The following IL34 variants were observed in gnomAD, a reference collection of about 807,000 sequenced individuals.
IL34 encodes interleukin-34.
A neutral mutation model predicts 25.3 loss-of-function variants in IL34; 17 were observed. That is an observed-to-expected ratio of 0.67 (90% CI 0.46 to 1.01). The LOEUF is 1.01. Among genes scored for constraint, IL34 ranks in the 50% least tolerant of loss-of-function variants. The pLI is 0.00. For missense variants in IL34, 368 were observed against 312.9 expected (o/e 1.18, Z -1.33); for synonymous variants, 174 against 140.9 (o/e 1.23, Z -1.66).
At chr16:70,625,855 G>C (rs1376059607) in intron 1 of IL34, among the ~76,000 whole-genome samples, 1 of 152,242 alleles carries the variant, frequency 6.6e-6, no homozygotes, top group African/African-American at 2.4e-5. Context: ...AGAGTAAAAA[G>C]TGGCCACTTA....
chr16:70,629,092 T>C (rs1244534430), intron 1 of IL34, among the ~76,000 whole-genome samples: 1 of 152,234 alleles, frequency 6.6e-6, no homozygotes, highest in African/African-American at 2.4e-5. Flanking sequence ...CTATTGTTTA[T>C]AGTAGTTTGT....
At position 70,648,879 on chromosome 16, in the gene IL34, C is replaced by G. The variant is rs936520285; in HGVS notation, c.28+1904C>G. 2.0e-5 allele frequency among the ~76,000 whole-genome samples: 3 copies of G among 152,274 alleles called. No individual in the cohort carries two copies. In the East Asian group the frequency reaches 5.8e-4, roughly 29 times the overall value. The stretch of plus-strand genomic sequence containing the variant: ...CTAAAGGTGCCGAGAAGGAGCCTCC[C>G]TTGCCTCTTCCAGCTCCTGGTGGCT... On this transcript the variant is annotated intron_variant, in intron 1 of 5. Transcript: ENST00000288098.
At chr16:70,584,175 C>T (rs371872543) in intron 1 of IL34, among the ~76,000 whole-genome samples, 5 of 152,244 alleles carry the variant, frequency 3.3e-5, no homozygotes, top group South Asian at 2.1e-4. Context: ...AGGTGTGGGA[C>T]GATCCTAGGG....
intron 1 of IL34, 38 bp downstream of exon 1, chr16:70,647,013 G>A: frequency 7.0e-7 from 1 of 1,434,198 alleles, no homozygotes. Flanking sequence ...TGCATTGGGA[G>A]GCCTTGGCCT....
At chr16:70,604,761 G>C (rs2050973721) in intron 1 of IL34, among the ~76,000 whole-genome samples, 2 of 152,222 alleles carry the variant, frequency 1.3e-5, no homozygotes, top group Admixed American at 6.5e-5. Context: ...CAGGCACAAA[G>C]TGACGTGCAG....
upstream of IL34, among the ~76,000 whole-genome samples, chr16:70,646,254 A>C (rs1311361091): frequency 6.6e-6 from 1 of 151,944 alleles, no homozygotes; most frequent in Non-Finnish European, 1.5e-5. Flanking sequence ...CCTGTCCTTT[A>C]GCCTGAGTCA....
At chr16:70,619,319 GA>G (rs1294905200) in intron 1 of IL34, among the ~76,000 whole-genome samples, 2 of 152,198 alleles carry the variant, frequency 1.3e-5, no homozygotes, top group African/African-American at 2.4e-5. Flanking sequence ...TAAGGTGGGG[GA>G]ATACAAGAGG....
At position 70,657,032 on chromosome 16, in the gene IL34, G is replaced by C. The variant is rs1484644871; in HGVS notation, c.313G>C (p.Val105Leu). The change falls in exon 4 of 6, where the codon GTG becomes CTG. Residue 105 changes from valine (V) to leucine (L), a missense_variant. Val to Leu is a conservative substitution (Grantham distance 32, BLOSUM62 1). Coordinates refer to ENST00000288098, the MANE Select transcript of IL34 (RefSeq NM_001393494.1). The stretch of plus-strand genomic sequence containing the variant: ...GGTGAGCCTCAGTGCCACTGAGTCG[G>C]TGCAGGACGTGCTGCTCGAGGGCCA... The part of the protein sequence containing the change: ...VLVSLSATES[V>L]QDVLLEGHPS... 1 of 1,612,576 alleles carries C rather than the reference G, an allele frequency of 6.2e-7. No individual in the cohort carries two copies. Among genetic ancestry groups the C allele is most frequent in the Non-Finnish European group, 8.5e-7 (1 of 1,179,996 alleles).
At chr16:70,623,290 T>C (rs1046128127) in intron 1 of IL34, among the ~76,000 whole-genome samples, 1 of 151,924 alleles carries the variant, frequency 6.6e-6, no homozygotes, top group Admixed American at 6.6e-5. Flanking sequence ...ATCCAGAACA[T>C]AATAATGGAT....
intron 1 of IL34, chr16:70,654,330 C>T (rs1305169859): frequency 7.2e-6 from 4 of 556,376 alleles, no homozygotes; most frequent in South Asian, 3.0e-5. Context: ...GGTGTGGACT[C>T]TCTGCACTGC....
intron 1 of IL34, among the ~76,000 whole-genome samples, chr16:70,628,174 C>A (rs60611474): frequency 1.5e-4 from 23 of 152,056 alleles, no homozygotes; most frequent in African/African-American, 5.3e-4. Flanking sequence ...GGTCGAGCAC[C>A]TTATTATATA....
At chr16:70,613,342 G>A (rs559410145) in intron 1 of IL34, among the ~76,000 whole-genome samples, 14 of 152,312 alleles carry the variant, frequency 9.2e-5, no homozygotes, top group East Asian at 3.9e-4. Context: ...GGCTTGTAGC[G>A]TAGACTGGGG....
chr16:70,634,043 G>T (rs1341633551), intron 1 of IL34, among the ~76,000 whole-genome samples: 1 of 151,882 alleles, frequency 6.6e-6, no homozygotes, highest in Non-Finnish European at 1.5e-5. Context: ...TAGAGACGGG[G>T]TTTCACCATG....
chr16:70,659,202 C>G (rs1411182042), intron 4 of IL34, among the ~76,000 whole-genome samples: 6 of 152,210 alleles, frequency 3.9e-5, no homozygotes, highest in Non-Finnish European at 8.8e-5. Flanking sequence ...GTGTATGTGA[C>G]TTAAGCCTCA....
chr16:70,603,761 C>T (rs2050956537), intron 1 of IL34, among the ~76,000 whole-genome samples: 1 of 151,818 alleles, frequency 6.6e-6, no homozygotes, highest in Non-Finnish European at 1.5e-5. Context: ...TAAATTTTTT[C>T]TGTAGAGACG....
At chr16:70,640,741 G>A (rs536835995) in intron 1 of IL34, among the ~76,000 whole-genome samples, 1 of 151,944 alleles carries the variant, frequency 6.6e-6, no homozygotes, top group African/African-American at 2.4e-5. Flanking sequence ...TCCTCTTTAA[G>A]CATACGGTTG....
chr16:70,637,082 G>A (rs1286349736), intron 1 of IL34, among the ~76,000 whole-genome samples: 3 of 151,554 alleles, frequency 2.0e-5, no homozygotes, highest in Admixed American at 6.6e-5. Flanking sequence ...GGATGGTCTC[G>A]ATCTCCTGAC....
intron 1 of IL34, among the ~76,000 whole-genome samples, chr16:70,626,665 G>A (rs549361947): frequency 1.3e-4 from 20 of 152,238 alleles, no homozygotes; most frequent in Admixed American, 5.2e-4. Flanking sequence ...CAAAGTGCTG[G>A]GATTCCAGGT....
chr16:70,605,596 C>A (rs931957322), intron 1 of IL34, among the ~76,000 whole-genome samples: 2 of 152,258 alleles, frequency 1.3e-5, no homozygotes, highest in African/African-American at 4.8e-5. Context: ...AGTTTATAAG[C>A]AATTTAAGAA....
Sources: allele counts gnomAD v4.1 joint callset (sites outside exome capture counted in the v4.1 genomes callset), GRCh38; gene constraint gnomAD v4.1.1; transcripts MANE v1.5; gene names NCBI Gene and HGNC (gene_info 2026-07-23, HGNC 2026-07-21).